The following IL18R1 variants were observed in gnomAD, a reference collection of about 807,000 sequenced individuals.
IL18R1 encodes interleukin 18 receptor 1, also known as interleukin-18 receptor 1.
IL18R1 carries 40 observed loss-of-function variants against 48.5 expected under a neutral mutation model. That is an observed-to-expected ratio of 0.82 (90% CI 0.64 to 1.07). The LOEUF (loss-of-function observed/expected upper bound fraction) is 1.07, where lower values mean the gene tolerates loss of function less well. IL18R1 is among the 50% of genes least tolerant of loss of function. The pLI, the probability that IL18R1 is intolerant of heterozygous loss-of-function variation, is 0.00. For missense variants in IL18R1, 596 were observed against 633.7 expected (o/e 0.94, Z 0.64); for synonymous variants, 232 against 225.9 (o/e 1.03, Z -0.24).
intron 1 of IL18R1, among the ~76,000 whole-genome samples, chr2:102,361,082 C>A (rs937116216): frequency 7.9e-5 from 12 of 152,138 alleles, no homozygotes; most frequent in African/African-American, 2.9e-4. Flanking sequence ...GAGCCATCTC[C>A]TGATAACTTT....
intron 2 of IL18R1, among the ~76,000 whole-genome samples, chr2:102,366,006 C>T (rs11465583): frequency 6.6e-6 from 1 of 152,018 alleles, no homozygotes; most frequent in Non-Finnish European, 1.5e-5. Context: ...GGGAGGGTCT[C>T]TCATGAAGAT....
chr2:102,365,935 A>G (rs1172174342), intron 2 of IL18R1, among the ~76,000 whole-genome samples: 1 of 152,182 alleles, frequency 6.6e-6, no homozygotes, highest in Non-Finnish European at 1.5e-5. Context: ...TGCACACAGA[A>G]AGGGACCCTG....
rs1025474296 is a variant in IL18R1 at position 102,398,671 on chromosome 2, A to T, written c.*1785A>T. ...TTATACTTGCTTTAAAATACTTGAA[A>T]TATATTTTGCATTAAATGCATTTCA... On this transcript the variant is annotated 3_prime_UTR_variant, in exon 11 of 11. Transcript: ENST00000233957. 9.8e-5 allele frequency: 15 copies of T among 152,370 alleles called. No individual in the cohort carries two copies. Among genetic ancestry groups the T allele is most frequent in the African/African-American group, 3.4e-4 (14 of 41,466 alleles). The allele number at this position is 152,370 out of a possible 1,614,324, so 9.4% of individuals were successfully genotyped here. A position where few individuals can be genotyped will look rare whatever the true frequency, so the allele number is the denominator to read the frequency against.
intron 2 of IL18R1, among the ~76,000 whole-genome samples, chr2:102,365,316 C>A (rs779184764): frequency 8.5e-5 from 13 of 152,152 alleles, no homozygotes; most frequent in Non-Finnish European, 1.6e-4. Context: ...GGCTACTGGC[C>A]CCATGCAAGT....
At chr2:102,386,771 A>G in intron 7 of IL18R1, 90 bp from the exon 8 acceptor site, 1 of 1,294,048 alleles carries the variant, frequency 7.7e-7, no homozygotes, top group Non-Finnish European at 1.1e-6. Flanking sequence ...AGGCAACATC[A>G]CAGCTGCCTT....
chr2:102,393,735 C>T (rs1435753543), intron 9 of IL18R1, among the ~76,000 whole-genome samples: 1 of 152,120 alleles, frequency 6.6e-6, no homozygotes, highest in Non-Finnish European at 1.5e-5. Context: ...AGACCATTCC[C>T]CACTACTTTC....
At position 102,397,030 on chromosome 2, in the gene IL18R1, G is replaced by T. The variant is rs55981173; in HGVS notation, c.*144G>T. Reference sequence around the variant, plus strand: ...AATTTGAAGATGAAACTTGTCATTAGGTTGGCGGGAATGAGACTAAAGATT... The same window carrying T: ...AATTTGAAGATGAAACTTGTCATTATGTTGGCGGGAATGAGACTAAAGATT... On this transcript the variant is annotated 3_prime_UTR_variant, in exon 11 of 11. Coordinates refer to ENST00000233957, the MANE Select transcript of IL18R1 (RefSeq NM_003855.5). The T allele has an allele frequency of 3.3e-6, 2 of 610,968 alleles. No homozygotes were observed. Among genetic ancestry groups the T allele is most frequent in the Non-Finnish European group, 5.7e-6 (2 of 351,818 alleles). 37.8% of individuals were successfully genotyped at this position (610,968 alleles called of 1,614,324 possible). A position where few individuals can be genotyped will look rare whatever the true frequency, so the allele number is the denominator to read the frequency against.
intron 1 of IL18R1, among the ~76,000 whole-genome samples, chr2:102,361,874 G>C (rs1678594844): frequency 6.6e-6 from 1 of 152,172 alleles, no homozygotes; most frequent in Non-Finnish European, 1.5e-5. Context: ...TAGGATCAAA[G>C]TTCAATGCAG....
At position 102,394,436 on chromosome 2, in the gene IL18R1, A is replaced by T. The variant is rs200470996; in HGVS notation, c.1112-33A>T. ...TGTACTTAAATAAAATTTTATTTAC[A>T]CATGAATTAAAAGAGCCAATCTTAC... is the stretch of plus-strand genomic sequence containing the variant. On this transcript the variant is annotated intron_variant, in intron 9 of 10. Transcript: ENST00000233957. 9.1e-6 allele frequency: 14 copies of T among 1,531,324 alleles called. No homozygotes were observed. In the African/African-American group the frequency reaches 1.9e-4, roughly 21 times the overall value. The allele number at this position is 1,531,324 out of a possible 1,614,324, so 94.9% of individuals were successfully genotyped here.
rs1317801267 is a variant in IL18R1 at position 102,356,073 on chromosome 2, A to G, written c.-356A>G. On this transcript the variant is annotated 5_prime_UTR_variant, in exon 1 of 11. Coordinates refer to ENST00000233957, the MANE Select transcript of IL18R1 (RefSeq NM_003855.5). Reference sequence around the variant, plus strand: ...CAGACTGAGAGCGCCCCAGACCGCTACACTCCCGGACCCGGAGCTTCGCCC... The same window carrying G: ...CAGACTGAGAGCGCCCCAGACCGCTGCACTCCCGGACCCGGAGCTTCGCCC... 6.6e-6 allele frequency: 1 copy of G among 152,230 alleles called. No individual in the cohort carries two copies. Among genetic ancestry groups the G allele is most frequent in the East Asian group, 1.9e-4 (1 of 5,164 alleles). 9.4% of individuals were successfully genotyped at this position (152,230 alleles called of 1,614,324 possible).
At position 102,372,105 on chromosome 2, in the gene IL18R1, C is replaced by T. The variant is rs1440800808; in HGVS notation, c.455C>T (p.Thr152Ile). The change falls in exon 4 of 11, where the codon ACA becomes ATA. Residue 152 changes from threonine to isoleucine, a missense_variant. Physicochemically the swap from Thr to Ile is moderately conservative, Grantham distance 89 (BLOSUM62 -1). Transcript: ENST00000233957. ...NSYYQTLVNS[T>I]SLYKNCKKLL... ...TACTATCAAACACTGGTCAACAGCACATCATTGTATAAGGTAATGCTTTTA... is the reference window on the plus strand; with the variant it reads ...TACTATCAAACACTGGTCAACAGCATATCATTGTATAAGGTAATGCTTTTA... 1 of 1,597,164 alleles carries T rather than the reference C, an allele frequency of 6.3e-7. No homozygotes were observed. Among genetic ancestry groups the T allele is most frequent in the Admixed American group, 1.8e-5 (1 of 54,242 alleles).
intron 1 of IL18R1, among the ~76,000 whole-genome samples, chr2:102,356,669 T>C (rs765792503): frequency 6.6e-6 from 1 of 152,242 alleles, no homozygotes; most frequent in African/African-American, 2.4e-5. Context: ...TTTTAAGTGC[T>C]TACTGTGTGC....
chr2:102,368,872 A>G (rs1679070230), intron 3 of IL18R1, among the ~76,000 whole-genome samples: 1 of 152,158 alleles, frequency 6.6e-6, no homozygotes, highest in African/African-American at 2.4e-5. Flanking sequence ...GATTTCTTTT[A>G]GAAGCACTTC....
chr2:102,393,757 A>G (rs567068539), intron 9 of IL18R1, among the ~76,000 whole-genome samples: 3 of 152,280 alleles, frequency 2.0e-5, no homozygotes, highest in East Asian at 1.9e-4. Flanking sequence ...TTCTTTCTCT[A>G]CAGATCCCAA....
At chr2:102,370,011 T>C (rs6728945) in intron 3 of IL18R1, among the ~76,000 whole-genome samples, 16,539 of 152,250 alleles carry the variant, frequency 0.11, 989 homozygotes, top group Non-Finnish European at 0.13. Context: ...CAAGTTCAGC[T>C]TGGTGAGCAG....
intron 1 of IL18R1, among the ~76,000 whole-genome samples, chr2:102,359,388 C>G (rs1678446460): frequency 6.6e-6 from 1 of 152,054 alleles, no homozygotes; most frequent in African/African-American, 2.4e-5. Flanking sequence ...GAAAACATCT[C>G]AAAGCAAAAG....
chr2:102,390,164 T>G lies in IL18R1; in HGVS notation c.1058T>G (p.Val353Gly). 2 of 1,613,974 alleles carry G rather than the reference T, an allele frequency of 1.2e-6. No individual in the cohort carries two copies. The highest frequency in any genetic ancestry group is 1.7e-6 in the Non-Finnish European group (2 of 1,179,912). The part of the protein sequence containing the change: ...CLVTVCVIYR[V>G]DLVLFYRHLT... Reference sequence around the variant, plus strand: ...GTGACTGTGTGTGTCATTTATAGAGTTGACTTGGTTCTATTTTATAGACAT... The same window carrying G: ...GTGACTGTGTGTGTCATTTATAGAGGTGACTTGGTTCTATTTTATAGACAT... Residue 353 changes from valine (V) to glycine (G), a missense_variant, in exon 9 of 11, where the codon GTT (valine) becomes GGT (glycine). By Grantham distance (109) the Val-to-Gly change is moderately radical. Coordinates refer to ENST00000233957, the MANE Select transcript of IL18R1 (RefSeq NM_003855.5).
chr2:102,384,936 G>A lies in IL18R1; in HGVS notation c.747G>A (p.Trp249Ter). The change falls in exon 7 of 11, where the codon TGG becomes TGA. Residue 249 changes from tryptophan to a stop codon, truncating the protein, a stop_gained. Coordinates refer to ENST00000233957, the MANE Select transcript of IL18R1 (RefSeq NM_003855.5). LOFTEE classifies it high-confidence loss of function. ...TGAATGAAGAGGATGTAATTTATTG[G>A]ATGTTCGGGGAAGAAAATGGATCGG... ...ALLNEEDVIY[W>*]MFGEENGSDP... 2.5e-6 allele frequency: 4 copies of A among 1,610,458 alleles called. No homozygotes were observed. The highest frequency in any genetic ancestry group is 3.4e-6 in the Non-Finnish European group (4 of 1,177,046).
chr2:102,379,444 CAAAAAAAAAA>C (rs112656218), intron 5 of IL18R1, among the ~76,000 whole-genome samples: 1 of 102,944 alleles, frequency 9.7e-6, no homozygotes, highest in Non-Finnish European at 2.0e-5. Context: ...GACTCGGTCT[CAAAAAAAAAA>C]AAAAAAAAAA....
Sources: gnomAD v4.1 joint callset for allele counts (sites outside exome capture counted in the v4.1 genomes callset) on GRCh38, gnomAD v4.1.1 for gene constraint, MANE v1.5 for transcripts, NCBI Gene and HGNC (gene_info 2026-07-23, HGNC 2026-07-21) for gene names.